Variants in CHODL observed in about 807,000 individuals in gnomAD.
CHODL encodes the protein transmembrane protein MT75.
Under a neutral mutation model 34.5 loss-of-function variants are expected in CHODL, and 29 were observed. The ratio of observed to expected loss-of-function variants is 0.84; its 90% CI spans 0.63 to 1.15. The LOEUF (loss-of-function observed/expected upper bound fraction) is 1.15, where lower values mean the gene tolerates loss of function less well. Among genes scored for constraint, CHODL ranks in the 50% most tolerant of loss-of-function variants. The pLI is 0.00. For missense variants in CHODL, 332 were observed against 332.5 expected, an observed-to-expected ratio of 1.00 and a Z score of 0.01; for synonymous variants, 125 against 116.1, an observed-to-expected ratio of 1.08 and a Z score of -0.49.
chr21:18,028,698 T>TAAAAA (rs34588468), intron 2 of CHODL, among the ~76,000 whole-genome samples: 16 of 85,250 alleles, frequency 1.9e-4, no homozygotes, highest in South Asian at 4.4e-4. Flanking sequence ...AAACTCCATC[T>TAAAAA]AAAAAAAAAA....
At chr21:18,008,302 ATTTC>A (rs2063979304) in intron 1 of CHODL, among the ~76,000 whole-genome samples, 3 of 109,262 alleles carry the variant, frequency 2.7e-5, no homozygotes, top group Admixed American at 9.5e-5. Context: ...ATCTCCAAAA[ATTTC>A]TTTGTTTGTG....
chr21:18,024,111 T>A (rs2064152050), intron 1 of CHODL, among the ~76,000 whole-genome samples: 1 of 152,254 alleles, frequency 6.6e-6, no homozygotes. Flanking sequence ...TTTCTTTTTC[T>A]TTTTTAAAAA....
chr21:18,062,595 A>G (rs973089619), intron 2 of CHODL, among the ~76,000 whole-genome samples: 1 of 152,100 alleles, frequency 6.6e-6, no homozygotes, highest in Non-Finnish European at 1.5e-5. Context: ...GTGAAACCCC[A>G]TCTCTACTAA....
chr21:18,002,167 A>G (rs921301585), intron 1 of CHODL, among the ~76,000 whole-genome samples: 8 of 152,230 alleles, frequency 5.3e-5, no homozygotes, highest in Admixed American at 2.6e-4. Flanking sequence ...CATCATAAAC[A>G]TAATGCATCA....
At chr21:18,213,625 G>A (rs1285018141) in intron 2 of CHODL, among the ~76,000 whole-genome samples, 1 of 152,018 alleles carries the variant, frequency 6.6e-6, no homozygotes, top group Admixed American at 6.6e-5. Context: ...TGAGATTGGA[G>A]TATAAACTTG....
chr21:18,221,281 A>T (rs549666880), intron 2 of CHODL, among the ~76,000 whole-genome samples: 1 of 152,054 alleles, frequency 6.6e-6, no homozygotes, highest in African/African-American at 2.4e-5. Context: ...CATTGAGATC[A>T]TTGTTTTCCT....
chr21:18,121,388 G>T (rs1040372914), intron 2 of CHODL, among the ~76,000 whole-genome samples: 1 of 152,206 alleles, frequency 6.6e-6, no homozygotes, highest in Non-Finnish European at 1.5e-5. Context: ...GGTTGGACAA[G>T]CATGTTTTAG....
chr21:18,146,009 C>T (rs2072882274), intron 2 of CHODL, among the ~76,000 whole-genome samples: 1 of 152,034 alleles, frequency 6.6e-6, no homozygotes, highest in Non-Finnish European at 1.5e-5. Context: ...CACTCTGTCA[C>T]CCAGGCTGGA....
chr21:18,207,810 A>C (rs1455586503), intron 2 of CHODL, among the ~76,000 whole-genome samples: 1 of 151,912 alleles, frequency 6.6e-6, no homozygotes, highest in Non-Finnish European at 1.5e-5. Flanking sequence ...TGTAAGGAAA[A>C]GTCTACTGCC....
chr21:18,137,524 T>TA (rs1158828023), intron 2 of CHODL, among the ~76,000 whole-genome samples: 1 of 152,288 alleles, frequency 6.6e-6, no homozygotes, highest in Non-Finnish European at 1.5e-5. Context: ...TCTCTTAAGT[T>TA]ACATCTTCCA....
intron 1 of CHODL, among the ~76,000 whole-genome samples, chr21:18,251,738 T>TTATTTATTTTAATATATAAAATAAATATA: frequency 8.7e-6 from 1 of 115,414 alleles, no homozygotes; most frequent in Non-Finnish European, 1.9e-5. Context: ...TTTATTTTAT[T>TTATTTATTTTAATATATAAAATAAATATA]TATTTTATTT....
chr21:17,952,242 A>G (rs1014588497), intron 1 of CHODL, among the ~76,000 whole-genome samples: 3 of 151,510 alleles, frequency 2.0e-5, no homozygotes, highest in Non-Finnish European at 2.9e-5. Context: ...TCCAAGAACG[A>G]TGACCAACAC....
At chr21:18,102,013 A>G (rs1351426782) in intron 2 of CHODL, among the ~76,000 whole-genome samples, 1 of 152,160 alleles carries the variant, frequency 6.6e-6, no homozygotes, top group Admixed American at 6.5e-5. Context: ...AGGTCCAAGA[A>G]TCAATACTGA....
intron 2 of CHODL, among the ~76,000 whole-genome samples, chr21:18,208,174 T>C (rs1033725428): frequency 3.3e-5 from 5 of 150,334 alleles, no homozygotes; most frequent in East Asian, 1.9e-4. Flanking sequence ...TCTTCTTCTT[T>C]TTTTTTTTTG....
chr21:18,053,576 C>A (rs1359591227), intron 2 of CHODL, among the ~76,000 whole-genome samples: 1 of 151,854 alleles, frequency 6.6e-6, no homozygotes, highest in African/African-American at 2.4e-5. Context: ...ATCAAACTTT[C>A]AAGTAGTCTT....
In CHODL at chr21:17,924,260, G is replaced by GT. The variant is rs2063206598; in HGVS notation, c.-145+6861dup. Among the ~76,000 whole-genome samples the GT allele has an allele frequency of 2.6e-5, 4 of 152,350 alleles. No homozygotes were observed. The South Asian group carries it at 8.3e-4, about 32-fold the overall frequency. ...ATCCTCCGCTGGAGTATAGCTGATG[G>GT]TGAAGGGACTTGAGGAGAGAAATGG... On this transcript the variant is annotated intron_variant, in intron 1 of 6. Transcript: ENST00000400127.
chr21:18,250,680 A>T (rs2074224925), intron 1 of CHODL, among the ~76,000 whole-genome samples: 1 of 152,016 alleles, frequency 6.6e-6, no homozygotes, highest in African/African-American at 2.4e-5. Flanking sequence ...TGGCACTGGT[A>T]TCACAGTCCT....
In CHODL at chr21:18,245,103, G is replaced by C. The variant is rs374522567; in HGVS notation, c.-121G>C. ...CGCAGGGGGTCGGGCAGCTGGGCTC[G>C]GGCGGCGGGAGTAGGGCCCGGCAGG... is the stretch of plus-strand genomic sequence containing the variant. On this transcript the variant is annotated 5_prime_UTR_variant, in exon 1 of 6. Transcript: ENST00000299295. 1.8e-4 allele frequency: 152 copies of C among 824,708 alleles called. No homozygotes were observed. The African/African-American group carries it at 2.4e-3, about 13-fold the overall frequency. The allele number at this position is 824,708 out of a possible 1,614,324, so 51.1% of individuals were successfully genotyped here. A position where few individuals can be genotyped will look rare whatever the true frequency, so the allele number is the denominator to read the frequency against.
At chr21:18,259,194 A>G (rs923943245) in intron 3 of CHODL, among the ~76,000 whole-genome samples, 3 of 152,214 alleles carry the variant, frequency 2.0e-5, no homozygotes, top group Non-Finnish European at 1.5e-5. Context: ...ATTTCAATTG[A>G]TAAAAGTAGA....
Sources: gnomAD v4.1 joint callset for allele counts (sites outside exome capture counted in the v4.1 genomes callset) on GRCh38, gnomAD v4.1.1 for gene constraint, MANE v1.5 for transcripts, NCBI Gene and HGNC (gene_info 2026-07-23, HGNC 2026-07-21) for gene names.